PGGT1B: variants seen among roughly 807,000 people sequenced by gnomAD.
PGGT1B encodes the protein geranylgeranyl transferase type-1 subunit beta.
Under a neutral mutation model 46.1 loss-of-function variants are expected in PGGT1B, and 30 were observed. That is an observed-to-expected ratio of 0.65 (90% CI 0.49 to 0.88). PGGT1B has a LOEUF of 0.88. PGGT1B is among the 40% of genes least tolerant of loss of function. The pLI, the probability that PGGT1B is intolerant of heterozygous loss-of-function variation, is 0.00. For synonymous variants in PGGT1B, 170 were observed against 160.0 expected, an observed-to-expected ratio of 1.06 and a Z score of -0.47; for missense variants, 376 against 455.9, an observed-to-expected ratio of 0.82 and a Z score of 1.60.
intron 5 of PGGT1B, among the ~76,000 whole-genome samples, chr5:115,234,158 G>A (rs1303963875): frequency 1.2e-5 from 1 of 85,922 alleles, no homozygotes; most frequent in Non-Finnish European, 2.1e-5. Context: ...TTTTCACATT[G>A]TATTGGTGTT....
chr5:115,259,587 G>T (rs895566723), intron 1 of PGGT1B, among the ~76,000 whole-genome samples: 2 of 151,182 alleles, frequency 1.3e-5, no homozygotes, highest in Non-Finnish European at 2.9e-5. Context: ...TACTTGAGAG[G>T]CTGAGGCAGG....
chr5:115,230,203 G>A lies in PGGT1B; in HGVS notation c.658+773C>T, dbSNP rs116184173. 6.8e-3 allele frequency among the ~76,000 whole-genome samples: 1,027 copies of A among 151,948 alleles called. 13 individuals carry two copies. The highest frequency in any genetic ancestry group is 0.024 in the African/African-American group (985 of 41,432). On this transcript the variant is annotated intron_variant, in intron 6 of 8. Coordinates refer to ENST00000419445, the MANE Select transcript of PGGT1B (RefSeq NM_005023.4). Reference sequence around the variant, plus strand: ...ATGAGGAGCCAAGGTCACTCAGTTGGTGTCAGGGCTGAGACAAGAACACTG... The same window carrying A: ...ATGAGGAGCCAAGGTCACTCAGTTGATGTCAGGGCTGAGACAAGAACACTG...
At position 115,239,062 on chromosome 5, in the gene PGGT1B, T is replaced by C. The variant is rs912123234; in HGVS notation, c.328-1053A>G. Among the ~76,000 whole-genome samples, 11 of 152,028 alleles carry C rather than the reference T, an allele frequency of 7.2e-5. 1 individual carries two copies. The highest frequency in any genetic ancestry group is 2.0e-4 in the Admixed American group (3 of 15,258). Reference sequence around the variant, plus strand: ...TAGATACACATTTTTTTTTTTGAGATAGGCTTTGCTCCGTCACCCAGGCTG... The same window carrying C: ...TAGATACACATTTTTTTTTTTGAGACAGGCTTTGCTCCGTCACCCAGGCTG... On this transcript the variant is annotated intron_variant, in intron 3 of 8. Transcript: ENST00000419445.
At chr5:115,230,846 G>A (rs1417027730) in intron 6 of PGGT1B, 130 bp downstream of exon 6, 9 of 638,626 alleles carry the variant, frequency 1.4e-5, no homozygotes, top group Non-Finnish European at 2.5e-5. Context: ...AATCAGGAAA[G>A]TGACAAAGAA....
chr5:115,230,612 G>A (rs1756947125), intron 6 of PGGT1B, among the ~76,000 whole-genome samples: 1 of 152,070 alleles, frequency 6.6e-6, no homozygotes, highest in Admixed American at 6.6e-5. Flanking sequence ...ATGAACTTGT[G>A]CATTCATATT....
chr5:115,259,744 C>T (rs1748474353), intron 1 of PGGT1B, among the ~76,000 whole-genome samples: 1 of 145,320 alleles, frequency 6.9e-6, no homozygotes, highest in Non-Finnish European at 1.5e-5. Flanking sequence ...AAAGTAGTTG[C>T]AGAATGGGAG....
At position 115,208,037 on chromosome 5, in the gene PGGT1B, A is replaced by G. The variant is rs554212084; in HGVS notation, c.*4365T>C. The G allele has an allele frequency of 9.2e-4, 140 of 152,194 alleles. 1 individual carries two copies. Among genetic ancestry groups the G allele is most frequent in the African/African-American group, 3.2e-3 (135 of 41,570 alleles). The allele number at this position is 152,194 out of a possible 1,614,324, so 9.4% of individuals were successfully genotyped here. A position where few individuals can be genotyped will look rare whatever the true frequency, so the allele number is the denominator to read the frequency against. ...TATGAATAGTAACAGATTATCTAGT[A>G]TTGAACTACCCTTGCATTCTTACAA... is the stretch of plus-strand genomic sequence containing the variant. On this transcript the variant is annotated 3_prime_UTR_variant, in exon 9 of 9. Transcript: ENST00000419445.
chr5:115,244,508 A>AC (rs796654881), intron 2 of PGGT1B, among the ~76,000 whole-genome samples: 2 of 145,946 alleles, frequency 1.4e-5, no homozygotes, highest in African/African-American at 2.5e-5. Flanking sequence ...TACCTAACAC[A>AC]CCCCCCATAT....
chr5:115,253,257 T>A lies in PGGT1B; in HGVS notation c.141-2A>T, dbSNP rs1347660549. 3 of 1,569,690 alleles carry A rather than the reference T, an allele frequency of 1.9e-6. No individual in the cohort carries two copies. Among genetic ancestry groups the A allele is most frequent in the Non-Finnish European group, 1.7e-6 (2 of 1,164,734 alleles). ...AGTGCAAAAAATGCAATTGTCAACC[T>A]AAAAGAAAAAAATGTAAAATTCCAT... On this transcript the variant is annotated splice_acceptor_variant, in intron 1 of 8. Transcript: ENST00000419445. LOFTEE classifies it high-confidence loss of function.
intron 3 of PGGT1B, among the ~76,000 whole-genome samples, chr5:115,239,292 C>T (rs2127013864): frequency 6.6e-6 from 1 of 152,278 alleles, no homozygotes; most frequent in South Asian, 2.1e-4. Context: ...GATCCATCCT[C>T]CTCATCCTCC....
Position 115,205,553 on chromosome 5 carries a change from G to T in PGGT1B, c.*6849C>A, listed in dbSNP as rs1439111922. ...ACAGAAAACATGCACTCTAGTTACA[G>T]TACTGCTACTAACTGTTAAAGCTTT... On this transcript the variant is annotated 3_prime_UTR_variant, in exon 9 of 9. Coordinates refer to ENST00000419445, the MANE Select transcript of PGGT1B (RefSeq NM_005023.4). 6.6e-6 allele frequency: 1 copy of T among 152,114 alleles called. No homozygotes were observed. The highest frequency in any genetic ancestry group is 1.5e-5 in the Non-Finnish European group (1 of 67,982). The allele number at this position is 152,114 out of a possible 1,614,324, so 9.4% of individuals were successfully genotyped here.
chr5:115,261,722 T>C (rs575031659), intron 1 of PGGT1B, among the ~76,000 whole-genome samples: 3 of 152,296 alleles, frequency 2.0e-5, no homozygotes, highest in Admixed American at 1.3e-4. Flanking sequence ...GAGGTGGTCA[T>C]TGGAAGTGGT....
intron 8 of PGGT1B, among the ~76,000 whole-genome samples, chr5:115,213,954 CT>C (rs1429190031): frequency 6.6e-6 from 1 of 152,160 alleles, no homozygotes; most frequent in East Asian, 1.9e-4. Flanking sequence ...TGTTGATCAC[CT>C]TTTAGGCCTT....
At chr5:115,244,027 A>G (rs1349208837) in intron 2 of PGGT1B, among the ~76,000 whole-genome samples, 1 of 152,066 alleles carries the variant, frequency 6.6e-6, no homozygotes, top group Non-Finnish European at 1.5e-5. Context: ...TACACATGTC[A>G]CCTATGGATA....
chr5:115,242,952 G>C (rs747498390), intron 2 of PGGT1B, among the ~76,000 whole-genome samples: 2 of 144,544 alleles, frequency 1.4e-5, no homozygotes, highest in Non-Finnish European at 3.1e-5. Context: ...GGGCGACAGA[G>C]TCAAACTGTC....
intron 5 of PGGT1B, among the ~76,000 whole-genome samples, chr5:115,234,922 C>A (rs1229444853): frequency 6.6e-6 from 1 of 151,960 alleles, no homozygotes; most frequent in Non-Finnish European, 1.5e-5. Context: ...CCTATCTCTG[C>A]CCGAGAAAAG....
chr5:115,239,595 G>C (rs534460439), intron 3 of PGGT1B, among the ~76,000 whole-genome samples: 1 of 152,326 alleles, frequency 6.6e-6, no homozygotes, highest in African/African-American at 2.4e-5. Context: ...CTTAAGAGCA[G>C]AAGATAAGTC....
intron 1 of PGGT1B, 132 bp downstream of exon 1, chr5:115,262,580 T>C (rs1431873632): frequency 5.8e-6 from 6 of 1,032,536 alleles, no homozygotes; most frequent in East Asian, 5.2e-5. Context: ...TCAAGCCCAC[T>C]TGAAACCAGT....
In PGGT1B at chr5:115,236,399, T is replaced by G; in HGVS notation, c.603A>C (p.Arg201Ser). 1.3e-5 allele frequency: 21 copies of G among 1,593,278 alleles called. No individual in the cohort carries two copies. The highest frequency in any genetic ancestry group is 1.7e-5 in the Non-Finnish European group (20 of 1,172,458). The change falls in exon 5 of 9, where the codon AGA becomes AGC. Residue 201 changes from arginine (R) to serine (S), a missense_variant. Physicochemically the swap from Arg to Ser is moderately radical, Grantham distance 110 (BLOSUM62 -1). Coordinates refer to ENST00000419445, the MANE Select transcript of PGGT1B (RefSeq NM_005023.4). ...MDMKKAITYI[R>S]RSMSYDNGLA... ...TATCAACAGAACTCACCATACTCCT[T>G]CTAATATAGGTGATGGCTTTTTTCA...
Sources: gnomAD v4.1 joint callset for allele counts (sites outside exome capture counted in the v4.1 genomes callset) on GRCh38, gnomAD v4.1.1 for gene constraint, MANE v1.5 for transcripts, NCBI Gene and HGNC (gene_info 2026-07-23, HGNC 2026-07-21) for gene names.